Variants in ENTREP2 observed in about 807,000 individuals in gnomAD.
The protein encoded by ENTREP2 is endosomal transmembrane epsin interactor 2, also known as protein ENTREP2.
the ENTREP2 span, among the ~76,000 whole-genome samples, chr15:29,409,871 A>C: frequency 2.0e-5 from 3 of 152,198 alleles, no homozygotes; most frequent in Non-Finnish European, 4.4e-5. Context: ...CAAGCTGCTA[A>C]CTTAATAGCT....
At chr15:29,561,085 A>G in the ENTREP2 span, among the ~76,000 whole-genome samples, 1,495 of 18,748 alleles carry the variant, frequency 0.08, 31 homozygotes, top group African/African-American at 0.29. Context: ...TATTCTCACA[A>G]TGACAAAAGA....
the ENTREP2 span, among the ~76,000 whole-genome samples, chr15:29,152,123 T>G: frequency 6.6e-6 from 1 of 152,132 alleles, no homozygotes; most frequent in Admixed American, 6.5e-5. Flanking sequence ...TCTAAGGAAA[T>G]CATAAGGTGG....
chr15:29,241,139 G>C, the ENTREP2 span, among the ~76,000 whole-genome samples: 1 of 152,100 alleles, frequency 6.6e-6, no homozygotes, highest in Non-Finnish European at 1.5e-5. Context: ...TGAAATTAGT[G>C]CCTGACTATA....
At chr15:29,596,794 G>A in the ENTREP2 span, among the ~76,000 whole-genome samples, 545 of 151,984 alleles carry the variant, frequency 3.6e-3, 2 homozygotes, top group African/African-American at 0.013. Context: ...TCAGCTTCCC[G>A]AGTAGCTGGG....
the ENTREP2 span, among the ~76,000 whole-genome samples, chr15:29,509,861 AAAC>A: frequency 7.2e-5 from 11 of 152,338 alleles, no homozygotes; most frequent in Non-Finnish European, 1.5e-4. Flanking sequence ...TTCATGACTA[AAAC>A]ACCAAAAGCA....
At chr15:29,396,809 C>T in the ENTREP2 span, among the ~76,000 whole-genome samples, 1 of 152,044 alleles carries the variant, frequency 6.6e-6, no homozygotes. Context: ...AAGGGTCCAA[C>T]TTCATTTTTT....
At chr15:29,572,665 T>C in the ENTREP2 span, among the ~76,000 whole-genome samples, 1 of 152,008 alleles carries the variant, frequency 6.6e-6, no homozygotes, top group East Asian at 1.9e-4. Context: ...TACAGTTTAT[T>C]GACATTGTAT....
At chr15:29,389,122 AC>A in the ENTREP2 span, among the ~76,000 whole-genome samples, 3 of 151,990 alleles carry the variant, frequency 2.0e-5, no homozygotes, top group Admixed American at 6.6e-5. Context: ...ATTTAAAAAA[AC>A]AATAATAATA....
chr15:29,566,386 G>A, the ENTREP2 span, among the ~76,000 whole-genome samples: 9 of 151,684 alleles, frequency 5.9e-5, no homozygotes, highest in Non-Finnish European at 1.2e-4. Flanking sequence ...GGATGGTCTC[G>A]ATCTCCTGAC....
the ENTREP2 span, chr15:29,570,686 G>A: frequency 8.6e-7 from 1 of 1,168,374 alleles, no homozygotes. Flanking sequence ...GGGCAGCGCG[G>A]CGGGACGCGG....
the ENTREP2 span, among the ~76,000 whole-genome samples, chr15:29,417,145 G>T: frequency 6.6e-6 from 1 of 152,148 alleles, no homozygotes; most frequent in African/African-American, 2.4e-5. Flanking sequence ...CCATTACTGG[G>T]TATATACCCA....
At chr15:29,509,354 T>A in the ENTREP2 span, among the ~76,000 whole-genome samples, 1 of 152,240 alleles carries the variant, frequency 6.6e-6, no homozygotes, top group East Asian at 1.9e-4. Flanking sequence ...TCAATGCTAT[T>A]CCCATCAAGC....
chr15:29,409,291 T>A, the ENTREP2 span, among the ~76,000 whole-genome samples: 1 of 152,316 alleles, frequency 6.6e-6, no homozygotes, highest in South Asian at 2.1e-4. Flanking sequence ...CAAACTCATA[T>A]TACATTGTTT....
At chr15:29,638,873 A>G in the ENTREP2 span, among the ~76,000 whole-genome samples, 1 of 152,250 alleles carries the variant, frequency 6.6e-6, no homozygotes, top group Non-Finnish European at 1.5e-5. Flanking sequence ...AGCAGTGGAC[A>G]GCCCAATCTG....
At chr15:29,313,122 A>G in the ENTREP2 span, among the ~76,000 whole-genome samples, 2 of 152,336 alleles carry the variant, frequency 1.3e-5, no homozygotes, top group East Asian at 3.9e-4. Context: ...CTTCAGTTCA[A>G]TTCAATGAGG....
the ENTREP2 span, among the ~76,000 whole-genome samples, chr15:29,130,938 C>T: frequency 6.6e-6 from 1 of 152,216 alleles, no homozygotes; most frequent in African/African-American, 2.4e-5. Flanking sequence ...CAGCTCCTTA[C>T]AGAAGGAGAG....
the ENTREP2 span, among the ~76,000 whole-genome samples, chr15:29,361,971 G>A: frequency 6.6e-6 from 1 of 152,156 alleles, no homozygotes; most frequent in African/African-American, 2.4e-5. Flanking sequence ...TGGTCTTGGG[G>A]TCCAGCTACA....
At chr15:29,141,470 G>A in the ENTREP2 span, among the ~76,000 whole-genome samples, 1 of 152,196 alleles carries the variant, frequency 6.6e-6, no homozygotes, top group African/African-American at 2.4e-5. Flanking sequence ...GTGGGGCAGG[G>A]CAGGCATCAG....
chr15:29,255,845 C>T, the ENTREP2 span, among the ~76,000 whole-genome samples: 2 of 151,838 alleles, frequency 1.3e-5, no homozygotes, highest in African/African-American at 4.8e-5. Flanking sequence ...ACTAAAAATA[C>T]AAAAAGTTAG....
Sources: allele counts gnomAD v4.1 joint callset (sites outside exome capture counted in the v4.1 genomes callset), GRCh38; gene constraint gnomAD v4.1.1; transcripts MANE v1.5; gene names NCBI Gene and HGNC (gene_info 2026-07-23, HGNC 2026-07-21).